Variants in SPATA7 observed in about 807,000 individuals in gnomAD.
SPATA7 encodes the protein spermatogenesis associated 7, also known as spermatogenesis-associated protein 7.
Under a neutral mutation model 51.8 loss-of-function variants are expected in SPATA7, and 43 were observed. The observed-to-expected ratio is 0.83, with a 90% confidence interval of 0.65 to 1.07. The LOEUF (loss-of-function observed/expected upper bound fraction) is 1.07. Among genes scored for constraint, SPATA7 ranks in the 50% least tolerant of loss-of-function variants. SPATA7 has a pLI of 0.00. For synonymous variants in SPATA7, 230 were observed against 252.8 expected (o/e 0.91, Z 0.86); for missense variants, 683 against 701.3 (o/e 0.97, Z 0.30).
At chr14:88,460,899 CTT>C (rs544432142) in intron 4 of SPATA7, among the ~76,000 whole-genome samples, 26 of 152,274 alleles carry the variant, frequency 1.7e-4, no homozygotes, top group Middle Eastern at 3.4e-3. Context: ...TGTGGATGTC[CTT>C]TCTGTTTGTT....
At chr14:88,399,222 A>T (rs1178389184) in intron 4 of SPATA7, among the ~76,000 whole-genome samples, 1 of 152,154 alleles carries the variant, frequency 6.6e-6, no homozygotes, top group East Asian at 1.9e-4. Flanking sequence ...AGTTGAAGAG[A>T]TAGAAGGTAG....
rs569658052 is a variant in SPATA7 at position 88,416,906 on chromosome 14, A to G, written c.372+62A>G. ...TCTAAGGTACTTCTTTAGTGGTACAATCTGACTTTGTTTACTATAGTTTAG... is the reference window on the plus strand; with the variant it reads ...TCTAAGGTACTTCTTTAGTGGTACAGTCTGACTTTGTTTACTATAGTTTAG... On this transcript the variant is annotated intron_variant, in intron 5 of 11. Transcript: ENST00000393545. The G allele has an allele frequency of 4.2e-6, 6 of 1,430,408 alleles. No homozygotes were observed. In the African/African-American group the frequency reaches 4.3e-5, roughly 10 times the overall value. The allele number at this position is 1,430,408 out of a possible 1,614,324, so 88.6% of individuals were successfully genotyped here.
At chr14:88,418,070 ATTCTC>A (rs2076535778) in intron 5 of SPATA7, among the ~76,000 whole-genome samples, 1 of 152,180 alleles carries the variant, frequency 6.6e-6, no homozygotes, top group Non-Finnish European at 1.5e-5. Context: ...TGTTCATACT[ATTCTC>A]TTAATCTCTT....
Position 88,469,023 on chromosome 14 carries a change from G to A in SPATA7, c.255-824G>A, listed in dbSNP as rs2077411429. ...AACAACGGAGGGTTGGGGCTTTGGG[G>A]ATCACTTGTGCTATTTGTATGGCGT... On this transcript the variant is annotated intron_variant, in intron 4 of 4. Coordinates refer to the SPATA7 transcript ENST00000556406. The surrounding 1 kb of genome is among the most constrained non-coding windows in gnomAD (Gnocchi z 4.3). 1 of 1,614,028 alleles carries A rather than the reference G, an allele frequency of 6.2e-7. No individual in the cohort carries two copies. Among genetic ancestry groups the A allele is most frequent in the African/African-American group, 1.3e-5 (1 of 74,914 alleles).
chr14:88,456,575 G>GT (rs2077285199), downstream of SPATA7, among the ~76,000 whole-genome samples: 3 of 152,102 alleles, frequency 2.0e-5, no homozygotes, highest in African/African-American at 4.8e-5. Context: ...GGGGTTGTTT[G>GT]TTTTTTTCTT....
rs139160202 is a variant in SPATA7, at chr14:88,426,529, G to T, written c.670G>T (p.Asp224Tyr). 2.5e-6 allele frequency: 4 copies of T among 1,614,054 alleles called. No individual in the cohort carries two copies. The highest frequency in any genetic ancestry group is 3.4e-6 in the Non-Finnish European group (4 of 1,180,048). Residue 224 changes from aspartate (D) to tyrosine (Y), a missense_variant, in exon 6 of 12, where the codon GAT becomes TAT. Asp to Tyr is a radical substitution (Grantham distance 160). Transcript: ENST00000393545. ...AGTCATTTCGAAAGCACCCAGTGGG[G>T]ATCTTTTGGATAAACATTCTGAACT... ...QLVISKAPSG[D>Y]LLDKHSELFS...
intron 4 of SPATA7, among the ~76,000 whole-genome samples, chr14:88,413,617 T>C (rs2076398754): frequency 6.6e-6 from 1 of 152,202 alleles, no homozygotes; most frequent in South Asian, 2.1e-4. Flanking sequence ...ATCCTTATGC[T>C]GTTCCAGTTC....
At chr14:88,385,908 C>G (rs1485466597) in intron 1 of SPATA7, 71 bp downstream of exon 1, 1 of 1,542,562 alleles carries the variant, frequency 6.5e-7, no homozygotes, top group Non-Finnish European at 8.7e-7. Flanking sequence ...GCCTCGGGTC[C>G]GGGCAGCTGA....
At position 88,393,588 on chromosome 14, in the gene SPATA7, A is replaced by G. The variant is rs191684490; in HGVS notation, c.190+100A>G. ...TAGCAAAAATGAATACCTTATATAT[A>G]TGAGAGGATTTGTATTTGTTTGGTT... On this transcript the variant is annotated intron_variant, in intron 3 of 11. Coordinates refer to ENST00000393545, the MANE Select transcript of SPATA7 (RefSeq NM_018418.5). 105 of 874,144 alleles carry G rather than the reference A, an allele frequency of 1.2e-4. No individual in the cohort carries two copies. The Admixed American group carries it at 2.2e-3, about 18-fold the overall frequency. The allele number at this position is 874,144 out of a possible 1,614,324, so 54.1% of individuals were successfully genotyped here.
intron 4 of SPATA7, among the ~76,000 whole-genome samples, chr14:88,462,784 T>C (rs929089028): frequency 1.3e-5 from 2 of 152,232 alleles, no homozygotes; most frequent in African/African-American, 2.4e-5. Context: ...AACATTTATC[T>C]AGTTAATAAG....
chr14:88,400,486 G>A (rs562285352), intron 4 of SPATA7, among the ~76,000 whole-genome samples: 3 of 152,164 alleles, frequency 2.0e-5, no homozygotes, highest in African/African-American at 7.2e-5. Context: ...GAATCAAGAA[G>A]AAATATCCTG....
rs141286722 is a variant in SPATA7, at chr14:88,413,106, T to G, written c.239-3605T>G. Among the ~76,000 whole-genome samples the G allele has an allele frequency of 3.0e-4, 46 of 152,314 alleles. 1 individual carries two copies. The highest frequency in any genetic ancestry group is 2.5e-3 in the Admixed American group (38 of 15,302). ...GTGAAAAATGATGTGAGTAGTTTGA[T>G]AGGAATAGTGCTAAATCTCTAGATT... On this transcript the variant is annotated intron_variant, in intron 4 of 11. Transcript: ENST00000393545.
Position 88,433,173 on chromosome 14 carries a change from T to C in SPATA7, c.1121T>C (p.Val374Ala). 1 of 1,611,832 alleles carries C rather than the reference T, an allele frequency of 6.2e-7. No homozygotes were observed. The highest frequency in any genetic ancestry group is 8.5e-7 in the Non-Finnish European group (1 of 1,179,410). Residue 374 changes from valine to alanine, a missense_variant, in exon 10 of 12, where the codon GTA becomes GCA. Physicochemically the swap from Val to Ala is moderately conservative, Grantham distance 64. Coordinates refer to ENST00000393545, the MANE Select transcript of SPATA7 (RefSeq NM_018418.5). ...ELLYLSFIED[V>A]TDEILKLGLF... ...TTGTATCTGAGTTTCATTGAAGATG[T>C]AACAGATGAAATTTTGAAACTTGGT...
intron 4 of SPATA7, chr14:88,468,270 G>A (rs889763373): frequency 1.3e-6 from 2 of 1,591,590 alleles, no homozygotes; most frequent in Non-Finnish European, 1.7e-6. Flanking sequence ...CAGCACCTAG[G>A]TTGAGAGAAA....
At chr14:88,414,713 G>T in intron 4 of SPATA7, 1 of 373,264 alleles carries the variant, frequency 2.7e-6, no homozygotes, top group Non-Finnish European at 5.2e-6. Flanking sequence ...CACTGCTTTT[G>T]CTGCATCCCA....
chr14:88,419,161 A>T (rs2076566603), intron 5 of SPATA7, among the ~76,000 whole-genome samples: 1 of 152,106 alleles, frequency 6.6e-6, no homozygotes, highest in African/African-American at 2.4e-5. Flanking sequence ...ACATACTTAC[A>T]TATTTAGCTA....
At chr14:88,455,838 T>C (rs919884920), downstream of SPATA7, among the ~76,000 whole-genome samples, 6 of 151,566 alleles carry the variant, frequency 4.0e-5, no homozygotes, top group Non-Finnish European at 8.8e-5. Flanking sequence ...TAACTCATCA[T>C]TTACATTAGG....
At chr14:88,458,582 A>AT (rs199840015), downstream of SPATA7, among the ~76,000 whole-genome samples, 868 of 151,920 alleles carry the variant, frequency 5.7e-3, 12 homozygotes, top group African/African-American at 0.02. Flanking sequence ...CCCCTTCATC[A>AT]TTTTTTTATT....
intron 4 of SPATA7, among the ~76,000 whole-genome samples, chr14:88,403,269 C>T (rs922539935): frequency 2.6e-5 from 4 of 152,176 alleles, no homozygotes; most frequent in East Asian, 1.9e-4. Flanking sequence ...AGAGGCTCCT[C>T]GAGAAATTGA....
Sources: gnomAD v4.1 joint callset for allele counts (sites outside exome capture counted in the v4.1 genomes callset) on GRCh38, gnomAD v4.1.1 for gene constraint, Gnocchi (gnomAD v3.1) non-coding constraint, MANE v1.5 for transcripts, NCBI Gene and HGNC (gene_info 2026-07-23, HGNC 2026-07-21) for gene names.